The following XRCC2 variants were observed in gnomAD, a reference collection of about 807,000 sequenced individuals.
XRCC2 encodes DNA repair protein XRCC2.
A neutral mutation model predicts 27.3 loss-of-function variants in XRCC2; 24 were observed. The ratio of observed to expected loss-of-function variants is 0.88; its 90% CI spans 0.64 to 1.24. XRCC2 has a LOEUF of 1.24. Ranked by LOEUF, XRCC2 falls within the 50% of genes most tolerant of loss-of-function variation. The pLI is 0.00. For missense variants in XRCC2, 321 were observed against 325.8 expected, an observed-to-expected ratio of 0.99 and a Z score of 0.11; for synonymous variants, 106 against 115.4, an observed-to-expected ratio of 0.92 and a Z score of 0.52.
chr7:152,668,493 C>T (rs1300429186), intron 1 of XRCC2, among the ~76,000 whole-genome samples: 1 of 152,150 alleles, frequency 6.6e-6, no homozygotes, highest in Non-Finnish European at 1.5e-5. Flanking sequence ...AAGGTATGGT[C>T]AACCTGCAGT....
In XRCC2 at chr7:152,646,663, G is replaced by A. The variant is rs1422562694; in HGVS notation, c.*1979C>T. ...AGCTAATTTTTTGTATTTTAATAGA[G>A]ATGGGGTTTCACCGTGTTGCCCAGG... On this transcript the variant is annotated 3_prime_UTR_variant, in exon 3 of 3. Transcript: ENST00000359321. The A allele has an allele frequency of 2.0e-5, 3 of 152,078 alleles. No individual in the cohort carries two copies. Among genetic ancestry groups the A allele is most frequent in the African/African-American group, 4.8e-5 (2 of 41,372 alleles). 9.4% of individuals were successfully genotyped at this position (152,078 alleles called of 1,614,324 possible). A position where few individuals can be genotyped will look rare whatever the true frequency, so the allele number is the denominator to read the frequency against.
chr7:152,653,170 A>C (rs181096220), intron 2 of XRCC2, among the ~76,000 whole-genome samples: 10 of 152,016 alleles, frequency 6.6e-5, no homozygotes, highest in African/African-American at 2.4e-4. Flanking sequence ...GTCTCATGGG[A>C]TCTGATGCTT....
At position 152,649,304 on chromosome 7, in the gene XRCC2, G is replaced by T. The variant is rs569810249; in HGVS notation, c.181C>A (p.Leu61Ile). The change falls in exon 3 of 3, where the codon CTA becomes ATA. Residue 61 changes from leucine to isoleucine, a missense_variant. By Grantham distance (5) the Leu-to-Ile change is conservative. Transcript: ENST00000359321. The stretch of plus-strand genomic sequence containing the variant: ...TTGGGAAGTATACATCGTGCTGTTA[G>T]GTGATAAAGCATTTCTGTTTTTCCT... ...GTGKTEMLYH[L>I]TARCILPKSE... The T allele has an allele frequency of 2.5e-6, 4 of 1,612,304 alleles. No homozygotes were observed. The East Asian group carries it at 8.9e-5, about 36-fold the overall frequency.
chr7:152,665,079 A>G (rs1413476320), intron 1 of XRCC2, among the ~76,000 whole-genome samples: 1 of 152,094 alleles, frequency 6.6e-6, no homozygotes, highest in Non-Finnish European at 1.5e-5. Flanking sequence ...ACATGAGGCA[A>G]TTAGCCAGCA....
chr7:152,652,991 G>T (rs1590131253), intron 2 of XRCC2, among the ~76,000 whole-genome samples: 1 of 152,194 alleles, frequency 6.6e-6, no homozygotes, highest in East Asian at 1.9e-4. Flanking sequence ...GAGACCACAG[G>T]GTGCTCACAC....
intron 1 of XRCC2, among the ~76,000 whole-genome samples, chr7:152,669,222 A>G (rs2098037212): frequency 6.6e-6 from 1 of 152,154 alleles, no homozygotes; most frequent in African/African-American, 2.4e-5. Flanking sequence ...CAGAAAAATA[A>G]AAGTTAAAAA....
At chr7:152,657,799 T>C (rs1467233829) in intron 2 of XRCC2, among the ~76,000 whole-genome samples, 1 of 151,832 alleles carries the variant, frequency 6.6e-6, no homozygotes, top group African/African-American at 2.4e-5. Flanking sequence ...ACTAGAAAAA[T>C]AATTCAGAAA....
At chr7:152,665,609 T>G (rs924732013) in intron 1 of XRCC2, among the ~76,000 whole-genome samples, 4 of 144,852 alleles carry the variant, frequency 2.8e-5, no homozygotes, top group African/African-American at 1.0e-4. Flanking sequence ...GCCTCCCAAG[T>G]AGCTGGACTA....
At chr7:152,675,462 A>G (rs967236134) in intron 1 of XRCC2, among the ~76,000 whole-genome samples, 3 of 152,076 alleles carry the variant, frequency 2.0e-5, no homozygotes, top group Admixed American at 1.3e-4. Context: ...AGTGCTGGAC[A>G]CTTGGTTCAA....
At chr7:152,658,415 G>T (rs1261510451) in intron 2 of XRCC2, among the ~76,000 whole-genome samples, 1 of 152,190 alleles carries the variant, frequency 6.6e-6, no homozygotes, top group African/African-American at 2.4e-5. Context: ...GCCTCCCAAA[G>T]TGCTGGGATT....
chr7:152,667,428 A>AAAAAG lies in XRCC2; in HGVS notation c.40-6647_40-6646insCTTTT, dbSNP rs1554412465. Among the ~76,000 whole-genome samples the AAAAAG allele has an allele frequency of 4.5e-3, 348 of 77,872 alleles. 15 individuals carry two copies. Among genetic ancestry groups the AAAAAG allele is most frequent in the East Asian group, 9.0e-3 (26 of 2,876 alleles). The allele number at this position is 77,872 out of a possible 152,430, so 51.1% of individuals were successfully genotyped here. On this transcript the variant is annotated intron_variant, in intron 1 of 2. Transcript: ENST00000359321. ...CTCAAAAAAAAAAAAAAAAAAAAAGAAAAAAAGTATTATAATTTTATTGAC... is the reference window on the plus strand; with the variant it reads ...CTCAAAAAAAAAAAAAAAAAAAAAGAAAAAGAAAAAAGTATTATAATTTTATTGAC...
At chr7:152,666,308 C>A (rs1416773068) in intron 1 of XRCC2, among the ~76,000 whole-genome samples, 1 of 151,876 alleles carries the variant, frequency 6.6e-6, no homozygotes, top group Non-Finnish European at 1.5e-5. Flanking sequence ...ACCTCTTGGG[C>A]CCATGCAATC....
chr7:152,675,467 G>C (rs2098040500), intron 1 of XRCC2, among the ~76,000 whole-genome samples: 1 of 152,232 alleles, frequency 6.6e-6, no homozygotes, highest in South Asian at 2.1e-4. Flanking sequence ...TGGACACTTG[G>C]TTCAATTCTT....
rs2098027035 is a variant in XRCC2 at position 152,648,576 on chromosome 7, ACT to A, written c.*64_*65del. ...ACTCCAGCCTGGGAGACAGAGCAAG[ACT>A]CTGTCTTAAGAAAAATTTTAAGGCT... On this transcript the variant is annotated 3_prime_UTR_variant, in exon 3 of 3. Coordinates refer to ENST00000359321, the MANE Select transcript of XRCC2 (RefSeq NM_005431.2). 6.8e-7 allele frequency: 1 copy of A among 1,481,282 alleles called. No homozygotes were observed. The highest frequency in any genetic ancestry group is 2.2e-5 in the Admixed American group (1 of 45,612). 91.8% of individuals were successfully genotyped at this position (1,481,282 alleles called of 1,614,324 possible).
At chr7:152,660,353 T>C (rs2098032551) in intron 2 of XRCC2, among the ~76,000 whole-genome samples, 1 of 152,148 alleles carries the variant, frequency 6.6e-6, no homozygotes, top group Non-Finnish European at 1.5e-5. Context: ...TTCCCTGTTG[T>C]AGAAATACTA....
intron 1 of XRCC2, among the ~76,000 whole-genome samples, chr7:152,673,495 T>C (rs2098038968): frequency 6.6e-6 from 1 of 152,106 alleles, no homozygotes; most frequent in Non-Finnish European, 1.5e-5. Context: ...TTTATTTTCT[T>C]GAAGACCCCC....
chr7:152,660,585 T>G, intron 2 of XRCC2, 116 bp downstream of exon 2: 3 of 777,166 alleles, frequency 3.9e-6, no homozygotes, highest in Non-Finnish European at 3.9e-6. Flanking sequence ...CATTTTCCAA[T>G]TGTACAGTTT....
rs1475410763 is a variant in XRCC2, at chr7:152,648,488, A to G, written c.*154T>C. The G allele has an allele frequency of 1.3e-6, 1 of 760,172 alleles. No individual in the cohort carries two copies. The highest frequency in any genetic ancestry group is 3.1e-5 in the Admixed American group (1 of 32,716). 47.1% of individuals were successfully genotyped at this position (760,172 alleles called of 1,614,324 possible). A position where few individuals can be genotyped will look rare whatever the true frequency, so the allele number is the denominator to read the frequency against. On this transcript the variant is annotated 3_prime_UTR_variant, in exon 3 of 3. Coordinates refer to ENST00000359321, the MANE Select transcript of XRCC2 (RefSeq NM_005431.2). The stretch of plus-strand genomic sequence containing the variant: ...GTAATCCCTGCACTCTAGGAGGCAC[A>G]CATAGGAGGATCCCTTGAGGCCAGG...
chr7:152,670,976 TGGCCAA>T (rs2098037933), intron 1 of XRCC2, among the ~76,000 whole-genome samples: 2 of 152,098 alleles, frequency 1.3e-5, no homozygotes, highest in Non-Finnish European at 2.9e-5. Context: ...GCACTTTGGG[TGGCCAA>T]GGCGGGCAGA....
Sources: gnomAD v4.1 joint callset for allele counts (sites outside exome capture counted in the v4.1 genomes callset) on GRCh38, gnomAD v4.1.1 for gene constraint, MANE v1.5 for transcripts, NCBI Gene and HGNC (gene_info 2026-07-23, HGNC 2026-07-21) for gene names.